The following PCDHA13 variants were observed in gnomAD, a reference collection of about 807,000 sequenced individuals.
The protein encoded by PCDHA13 is protocadherin alpha 13.
A neutral mutation model predicts 64.8 loss-of-function variants in PCDHA13; 54 were observed. That is an observed-to-expected ratio of 0.83 (90% CI 0.67 to 1.04). PCDHA13 has a LOEUF of 1.04. PCDHA13 is among the 50% of genes least tolerant of loss of function. PCDHA13 has a pLI of 0.00. For synonymous variants in PCDHA13, 587 were observed against 564.4 expected, an observed-to-expected ratio of 1.04 and a Z score of -0.57; for missense variants, 1,248 against 1,254.3, an observed-to-expected ratio of 0.99 and a Z score of 0.08.
At position 140,882,245 on chromosome 5, in the gene PCDHA13, G is replaced by A; in HGVS notation, c.-24G>A. On this transcript the variant is annotated 5_prime_UTR_variant, in exon 1 of 4. Transcript: ENST00000289272. ...TAAGGCGTTGTATATATTGCAGATAGCTCTGAGGTTTTTGGAGTGTACCAT... is the reference window on the plus strand; with the variant it reads ...TAAGGCGTTGTATATATTGCAGATAACTCTGAGGTTTTTGGAGTGTACCAT... 1 of 1,592,614 alleles carries A rather than the reference G, an allele frequency of 6.3e-7. No homozygotes were observed. Among genetic ancestry groups the A allele is most frequent in the Non-Finnish European group, 8.6e-7 (1 of 1,168,388 alleles).
chr5:140,968,629 T>C, intron 1 of PCDHA13: 1 of 1,614,174 alleles, frequency 6.2e-7, no homozygotes, highest in Non-Finnish European at 8.5e-7. Context: ...CTTGGCTTTT[T>C]TACCATCTAG....
At chr5:141,002,085 A>G (rs959603404) in intron 3 of PCDHA13, among the ~76,000 whole-genome samples, 1 of 152,244 alleles carries the variant, frequency 6.6e-6, no homozygotes, top group African/African-American at 2.4e-5. Context: ...AAGAACGAGC[A>G]GTCCAGGGGC....
chr5:140,968,234 A>T (rs1426230655), intron 1 of PCDHA13: 1 of 1,613,870 alleles, frequency 6.2e-7, no homozygotes, highest in Non-Finnish European at 8.5e-7. Flanking sequence ...GTTGCTCTGT[A>T]CTGTGCAAGC....
At chr5:140,963,615 T>A (rs2095780964) in intron 1 of PCDHA13, among the ~76,000 whole-genome samples, 1 of 152,248 alleles carries the variant, frequency 6.6e-6, no homozygotes, top group African/African-American at 2.4e-5. Context: ...TGGGAAAGCT[T>A]AACTTTGTTG....
rs141028628 is a variant in PCDHA13 at position 140,891,378 on chromosome 5, T to A, written c.2394+6716T>A. Among the ~76,000 whole-genome samples the A allele has an allele frequency of 2.3e-4, 35 of 152,222 alleles. 1 individual carries two copies. The East Asian group carries it at 6.8e-3, about 29-fold the overall frequency. On this transcript the variant is annotated intron_variant, in intron 1 of 3. Coordinates refer to ENST00000289272, the MANE Select transcript of PCDHA13 (RefSeq NM_018904.3). ...CACCTGAGCAGTATACATTGCACCA[T>A]ATTTGCAATCTTTTATCCCTCGCCA...
At chr5:140,964,013 A>G (rs155811) in intron 1 of PCDHA13, among the ~76,000 whole-genome samples, 53,810 of 151,994 alleles carry the variant, frequency 0.35, 9,678 homozygotes, top group East Asian at 0.53. Context: ...TTTTTAATAG[A>G]GAGCTCTTGA....
intron 1 of PCDHA13, among the ~76,000 whole-genome samples, chr5:140,906,616 T>G (rs1339811951): frequency 6.6e-6 from 1 of 152,228 alleles, no homozygotes. Flanking sequence ...GTATTCCCTT[T>G]GCCTTCAGCA....
At chr5:140,921,992 C>T (rs963694302) in intron 1 of PCDHA13, among the ~76,000 whole-genome samples, 1 of 151,726 alleles carries the variant, frequency 6.6e-6, no homozygotes, top group East Asian at 1.9e-4. Context: ...AAAAAGAGTT[C>T]AATGAAATGA....
intron 1 of PCDHA13, among the ~76,000 whole-genome samples, chr5:140,889,560 T>C (rs2062271183): frequency 6.6e-6 from 1 of 152,204 alleles, no homozygotes. Context: ...TCTTCAGAAT[T>C]CTGCTTTCTG....
intron 1 of PCDHA13, chr5:140,929,369 G>A: frequency 6.6e-7 from 1 of 1,515,248 alleles, no homozygotes; most frequent in Admixed American, 2.2e-5. Context: ...CCCGGAGATG[G>A]CTGCTAGCTG....
At chr5:140,968,245 C>T (rs2096233117) in intron 1 of PCDHA13, 2 of 1,614,038 alleles carry the variant, frequency 1.2e-6, no homozygotes, top group Non-Finnish European at 1.7e-6. Flanking sequence ...CTGTGCAAGC[C>T]ACAGACCCAG....
chr5:141,006,425 G>A (rs1483231288), intron 3 of PCDHA13, among the ~76,000 whole-genome samples: 2 of 152,080 alleles, frequency 1.3e-5, no homozygotes, highest in African/African-American at 4.8e-5. Context: ...GTGTTAGCCA[G>A]GATGGTCTCA....
intron 1 of PCDHA13, among the ~76,000 whole-genome samples, chr5:140,910,919 T>G (rs2075230231): frequency 6.6e-6 from 1 of 152,154 alleles, no homozygotes; most frequent in Admixed American, 6.5e-5. Flanking sequence ...TTTTTGCTTA[T>G]ATAAATAAGA....
intron 1 of PCDHA13, 34 bp from the exon 2 acceptor site, chr5:140,978,915 A>G: frequency 6.2e-7 from 1 of 1,613,970 alleles, no homozygotes; most frequent in Non-Finnish European, 8.5e-7. Context: ...TTGTCTTGTC[A>G]TTTTAACAGA....
intron 3 of PCDHA13, among the ~76,000 whole-genome samples, chr5:140,985,802 C>T (rs567648207): frequency 1.1e-4 from 16 of 146,640 alleles, no homozygotes; most frequent in African/African-American, 3.3e-4. Flanking sequence ...TGCAGTGGCA[C>T]GATCTCAGCT....
At chr5:140,886,554 A>G (rs2061020893) in intron 1 of PCDHA13, among the ~76,000 whole-genome samples, 1 of 152,078 alleles carries the variant, frequency 6.6e-6, no homozygotes, top group South Asian at 2.1e-4. Flanking sequence ...CCAGCTGGGC[A>G]CGGTGGCTCA....
intron 1 of PCDHA13, 53 bp from the exon 2 acceptor site, chr5:140,978,895 TG>T: frequency 6.2e-7 from 1 of 1,612,992 alleles, no homozygotes; most frequent in Non-Finnish European, 8.5e-7. Context: ...GCAGCATTCC[TG>T]GGAGAACATT....
intron 1 of PCDHA13, among the ~76,000 whole-genome samples, chr5:140,971,388 C>A (rs1554233283): frequency 6.6e-6 from 1 of 152,132 alleles, no homozygotes; most frequent in Non-Finnish European, 1.5e-5. Flanking sequence ...TTAATAAAGG[C>A]AAATTTCTGC....
At chr5:140,943,600 A>G (rs996134923) in intron 1 of PCDHA13, among the ~76,000 whole-genome samples, 1 of 152,198 alleles carries the variant, frequency 6.6e-6, no homozygotes, top group African/African-American at 2.4e-5. Context: ...AATTCTAAAT[A>G]TAGACTTTGA....
Sources: gnomAD v4.1 joint callset for allele counts (sites outside exome capture counted in the v4.1 genomes callset) on GRCh38, gnomAD v4.1.1 for gene constraint, MANE v1.5 for transcripts, NCBI Gene and HGNC (gene_info 2026-07-23, HGNC 2026-07-21) for gene names.